CLCA2: variants seen among roughly 807,000 people sequenced by gnomAD.
The protein encoded by CLCA2 is calcium-activated chloride channel regulator 2.
Under a neutral mutation model 82.9 loss-of-function variants are expected in CLCA2, and 85 were observed. That is an observed-to-expected ratio of 1.03 (90% CI 0.86 to 1.23). The LOEUF is 1.23. Among genes scored for constraint, CLCA2 ranks in the 50% most tolerant of loss-of-function variants. CLCA2 has a pLI of 0.00. For missense variants in CLCA2, 1,089 were observed against 1,124.8 expected, an observed-to-expected ratio of 0.97 and a Z score of 0.45; for synonymous variants, 421 against 391.7, an observed-to-expected ratio of 1.07 and a Z score of -0.88.
At chr1:86,432,022 G>A (rs949342069) in intron 4 of CLCA2, among the ~76,000 whole-genome samples, 2 of 152,116 alleles carry the variant, frequency 1.3e-5, no homozygotes, top group Non-Finnish European at 2.9e-5. Flanking sequence ...TGAAACTTCT[G>A]CCACCTGGGT....
rs765677183 is a variant in CLCA2, at chr1:86,434,581, T to C, written c.808T>C (p.Cys270Arg). Residue 270 changes from cysteine to arginine, a missense_variant, in exon 6 of 14, where the codon TGC (cysteine) becomes CGC (arginine). Coordinates refer to ENST00000370565, the MANE Select transcript of CLCA2 (RefSeq NM_006536.7). ...AGCACCAAACCTACAGAACCAGATG[T>C]GCAGCCTCAGAAGTGCATGGGATGT... ...QEAPNLQNQM[C>R]SLRSAWDVIT... 7 of 1,613,986 alleles carry C rather than the reference T, an allele frequency of 4.3e-6. No individual in the cohort carries two copies. In the East Asian group the frequency reaches 1.1e-4, roughly 26 times the overall value.
chr1:86,425,700 CAGA>C (rs1336748743), intron 2 of CLCA2, among the ~76,000 whole-genome samples: 1 of 152,132 alleles, frequency 6.6e-6, no homozygotes, highest in African/African-American at 2.4e-5. Context: ...AGTAGTTTCT[CAGA>C]AGATCTCTTT....
chr1:86,448,083 T>C, intron 11 of CLCA2: 1 of 354,164 alleles, frequency 2.8e-6, no homozygotes, highest in Non-Finnish European at 5.2e-6. Context: ...TTCTATGTCC[T>C]TATGACATAC....
At chr1:86,451,325 A>G (rs1662959787) in intron 12 of CLCA2, among the ~76,000 whole-genome samples, 1 of 152,242 alleles carries the variant, frequency 6.6e-6, no homozygotes, top group African/African-American at 2.4e-5. Context: ...ACAGAAATAT[A>G]TCATGCTACA....
At chr1:86,439,297 A>G (rs1662676870) in intron 7 of CLCA2, among the ~76,000 whole-genome samples, 191 bp downstream of exon 7, 1 of 152,244 alleles carries the variant, frequency 6.6e-6, no homozygotes, top group Non-Finnish European at 1.5e-5. Context: ...TGTGCCTAGC[A>G]AAGTACATAG....
At chr1:86,434,424 C>T in intron 5 of CLCA2, 94 bp from the exon 6 acceptor site, 2 of 971,656 alleles carry the variant, frequency 2.1e-6, no homozygotes, top group Non-Finnish European at 3.1e-6. Context: ...TCTTTCAGTT[C>T]ACCTTTTCTT....
In CLCA2 at chr1:86,447,544, C is replaced by A. The variant is rs1210636269; in HGVS notation, c.1750C>A (p.His584Asn). The A allele has an allele frequency of 6.2e-7, 1 of 1,614,090 alleles. No homozygotes were observed. The highest frequency in any genetic ancestry group is 8.5e-7 in the Non-Finnish European group (1 of 1,179,984). Residue 584 changes from histidine to asparagine, a missense_variant, in exon 11 of 14, where the codon CAT becomes AAT. His to Asn is a moderately conservative substitution (Grantham distance 68). Transcript: ENST00000370565. ...HWTYTLNNTH[H>N]SLQALKVTVT... Reference sequence around the variant, plus strand: ...GACTTACACCCTGAACAATACCCATCATTCTCTGCAAGCCCTGAAAGTGAC... The same window carrying A: ...GACTTACACCCTGAACAATACCCATAATTCTCTGCAAGCCCTGAAAGTGAC...
intron 7 of CLCA2, 94 bp from the exon 8 acceptor site, chr1:86,440,054 G>A: frequency 1.6e-6 from 2 of 1,257,500 alleles, no homozygotes; most frequent in Non-Finnish European, 2.3e-6. Context: ...GGGTGTAGGA[G>A]CTACAGTGGG....
rs1203207802 is a variant in CLCA2 at position 86,438,861 on chromosome 1, C to G, written c.973-15C>G. The stretch of plus-strand genomic sequence containing the variant: ...CCAAATGTTGCCATTTTCTTTTTTC[C>G]TTTTTGGGACATAGGCTGACAGACT... On this transcript the variant is annotated splice_polypyrimidine_tract_variant and intron_variant, in intron 6 of 13. Coordinates refer to ENST00000370565, the MANE Select transcript of CLCA2 (RefSeq NM_006536.7). 24 of 1,607,902 alleles carry G rather than the reference C, an allele frequency of 1.5e-5. No individual in the cohort carries two copies. Among genetic ancestry groups the G allele is most frequent in the Non-Finnish European group, 1.7e-5 (20 of 1,176,662 alleles).
intron 9 of CLCA2, 86 bp from the exon 10 acceptor site, chr1:86,443,701 C>T: frequency 5.2e-6 from 5 of 962,344 alleles, no homozygotes; most frequent in South Asian, 1.8e-5. Flanking sequence ...TTATTTTTGC[C>T]AATTAATTGT....
intron 13 of CLCA2, among the ~76,000 whole-genome samples, chr1:86,454,658 G>A (rs1475804901): frequency 2.0e-5 from 3 of 152,084 alleles, no homozygotes; most frequent in South Asian, 2.1e-4. Context: ...CGGGCATGGT[G>A]GTGCATGCCT....
chr1:86,444,115 A>G (rs888987344), intron 10 of CLCA2, 104 bp downstream of exon 10: 6 of 759,700 alleles, frequency 7.9e-6, no homozygotes, highest in Non-Finnish European at 1.3e-5. Context: ...TCTTGTTTTA[A>G]TATATCAAAA....
At chr1:86,440,454 A>G (rs745737672) in intron 8 of CLCA2, 129 bp downstream of exon 8, 14 of 859,968 alleles carry the variant, frequency 1.6e-5, no homozygotes, top group Non-Finnish European at 2.2e-5. Context: ...ACGCACACAC[A>G]TATTGCTAGA....
intron 7 of CLCA2, 93 bp from the exon 8 acceptor site, chr1:86,440,055 C>T (rs1662693186): frequency 1.6e-6 from 2 of 1,272,130 alleles, no homozygotes; most frequent in Non-Finnish European, 2.2e-6. Flanking sequence ...GGTGTAGGAG[C>T]TACAGTGGGA....
intron 10 of CLCA2, among the ~76,000 whole-genome samples, chr1:86,445,140 T>C (rs1662823307): frequency 6.6e-6 from 1 of 152,036 alleles, no homozygotes; most frequent in South Asian, 2.1e-4. Flanking sequence ...TCAAGTGATC[T>C]GCCTGCCTCT....
chr1:86,427,031 T>C (rs1296363876), intron 2 of CLCA2, among the ~76,000 whole-genome samples: 1 of 152,122 alleles, frequency 6.6e-6, no homozygotes, highest in East Asian at 1.9e-4. Flanking sequence ...AGAATGTCAA[T>C]TAAGCAAACA....
At chr1:86,447,329 A>C (rs1288540105) in intron 10 of CLCA2, among the ~76,000 whole-genome samples, 179 bp from the exon 11 acceptor site, 5 of 152,298 alleles carry the variant, frequency 3.3e-5, no homozygotes, top group African/African-American at 1.2e-4. Flanking sequence ...AAGCCATGTA[A>C]ATACAAATTT....
chr1:86,425,714 A>G (rs1177270657), intron 2 of CLCA2, among the ~76,000 whole-genome samples: 1 of 152,178 alleles, frequency 6.6e-6, no homozygotes, highest in Non-Finnish European at 1.5e-5. Flanking sequence ...AGATCTCTTT[A>G]TTTTGTAACT....
intron 3 of CLCA2, 61 bp from the exon 4 acceptor site, chr1:86,430,801 G>C: frequency 8.0e-7 from 1 of 1,243,616 alleles, no homozygotes; most frequent in South Asian, 1.2e-5. Flanking sequence ...GTCTTCACTA[G>C]TTAGCAAGGC....
Sources: gnomAD v4.1 joint callset for allele counts (sites outside exome capture counted in the v4.1 genomes callset) on GRCh38, gnomAD v4.1.1 for gene constraint, MANE v1.5 for transcripts, NCBI Gene and HGNC (gene_info 2026-07-23, HGNC 2026-07-21) for gene names.